The following CLTC variants were observed in gnomAD, a reference collection of about 807,000 sequenced individuals.
CLTC encodes the protein clathrin heavy chain 1.
Under a neutral mutation model 195.8 loss-of-function variants are expected in CLTC, and 16 were observed. That is an observed-to-expected ratio of 0.08 (90% CI 0.06 to 0.12). The LOEUF is 0.12. Among genes scored for constraint, CLTC ranks in the 10% least tolerant of loss-of-function variants. The probability of loss-of-function intolerance (pLI) is 1.00; values close to 1 mark genes in which losing one functional copy is unlikely to be tolerated. For missense variants in CLTC, 796 were observed against 2,027.0 expected (o/e 0.39, Z 11.66); for synonymous variants, 667 against 689.4 (o/e 0.97, Z 0.51).
At chr17:59,625,860 C>G (rs1188921698) in intron 1 of CLTC, among the ~76,000 whole-genome samples, 1 of 152,120 alleles carries the variant, frequency 6.6e-6, no homozygotes, top group African/African-American at 2.4e-5. Flanking sequence ...CAGGTTAAGT[C>G]TAACCTCTTG....
intron 1 of CLTC, among the ~76,000 whole-genome samples, chr17:59,621,033 C>CT (rs2031360143): frequency 6.6e-6 from 1 of 152,180 alleles, no homozygotes; most frequent in Admixed American, 6.5e-5. Flanking sequence ...TGGAATTGAA[C>CT]AGAGCCCTGG....
rs549489223 is a variant in CLTC at position 59,679,360 on chromosome 17, T to C, written c.2797-37T>C. 4 of 1,556,958 alleles carry C rather than the reference T, an allele frequency of 2.6e-6. No homozygotes were observed. In the South Asian group the frequency reaches 4.8e-5, roughly 19 times the overall value. The stretch of plus-strand genomic sequence containing the variant: ...TAAAATGCTATAAAAAGTCCTTTAC[T>C]TTTTACCTTGAAATTAATCTATCAT... On this transcript the variant is annotated intron_variant, in intron 17 of 31. Transcript: ENST00000269122.
intron 1 of CLTC, among the ~76,000 whole-genome samples, chr17:59,632,883 C>G (rs1317922448): frequency 3.9e-5 from 6 of 152,118 alleles, no homozygotes; most frequent in Non-Finnish European, 8.8e-5. Flanking sequence ...TGTTTCCTCA[C>G]TAGTAATGAC....
chr17:59,683,715 C>T lies in CLTC; in HGVS notation c.4282C>T (p.Pro1428Ser). Residue 1428 changes from proline (P) to serine (S), a missense_variant, in exon 27 of 32, where the codon CCA (proline) becomes TCA (serine). Physicochemically the swap from Pro to Ser is moderately conservative, Grantham distance 74 (BLOSUM62 -1). Transcript: ENST00000269122. This position sits in a 1 kb window ranked among gnomAD's most constrained non-coding sequence, Gnocchi z 6.1. ...LLNDLLMVLSPRLDHTRAVNY... is the reference protein window; with the variant it reads ...LLNDLLMVLSSRLDHTRAVNY... ...AAATGATTTGCTGATGGTGCTGTCTCCACGGTTGGATCACACTCGTGCAGT... is the reference window on the plus strand; with the variant it reads ...AAATGATTTGCTGATGGTGCTGTCTTCACGGTTGGATCACACTCGTGCAGT... The T allele has an allele frequency of 6.2e-7, 1 of 1,614,140 alleles. No individual in the cohort carries two copies. Among genetic ancestry groups the T allele is most frequent in the Non-Finnish European group, 8.5e-7 (1 of 1,180,020 alleles).
Position 59,696,399 on chromosome 17 carries a change from G to C in CLTC, c.*2547G>C, listed in dbSNP as rs887939569. 3 of 219,042 alleles carry C rather than the reference G, an allele frequency of 1.4e-5. No individual in the cohort carries two copies. The highest frequency in any genetic ancestry group is 6.7e-5 in the African/African-American group (3 of 44,540). The allele number at this position is 219,042 out of a possible 1,614,324, so 13.6% of individuals were successfully genotyped here. On this transcript the variant is annotated 3_prime_UTR_variant, in exon 32 of 32. Transcript: ENST00000269122. ...GTGCTATAACGCTGCTTATATTGCA[G>C]TTAACCATAGAGAGGTGGAGCCACT... is the stretch of plus-strand genomic sequence containing the variant.
intron 16 of CLTC, among the ~76,000 whole-genome samples, chr17:59,676,201 T>C (rs1431411016): frequency 6.6e-6 from 1 of 151,988 alleles, no homozygotes; most frequent in African/African-American, 2.4e-5. Flanking sequence ...GGCTTTAAAA[T>C]AAAAATAAAA....
chr17:59,680,562 T>G (rs1288871899), intron 18 of CLTC, among the ~76,000 whole-genome samples: 1 of 152,148 alleles, frequency 6.6e-6, no homozygotes, highest in Non-Finnish European at 1.5e-5. Flanking sequence ...TTGCAGCATC[T>G]AGAAAACCAA....
chr17:59,673,179 ATAGAGTAT>A (rs1174470115), intron 14 of CLTC, among the ~76,000 whole-genome samples: 3 of 152,162 alleles, frequency 2.0e-5, no homozygotes, highest in Admixed American at 6.5e-5. Flanking sequence ...CTTTGTTATA[ATAGAGTAT>A]TAGAGGCTGG....
chr17:59,644,563 T>TTTGC (rs2143497934), intron 2 of CLTC, 80 bp downstream of exon 2: 1 of 1,233,896 alleles, frequency 8.1e-7, no homozygotes, highest in East Asian at 2.5e-5. Context: ...TGTTTGTTTG[T>TTTGC]TTTTGAGACG....
intron 7 of CLTC, among the ~76,000 whole-genome samples, chr17:59,660,962 TG>T (rs1344629129): frequency 3.3e-5 from 5 of 152,204 alleles, no homozygotes; most frequent in African/African-American, 1.2e-4. Flanking sequence ...TGGGTAGAGC[TG>T]TCAAAATTAG....
chr17:59,636,776 T>C (rs1050362092), intron 1 of CLTC, among the ~76,000 whole-genome samples: 2 of 152,078 alleles, frequency 1.3e-5, no homozygotes, highest in Non-Finnish European at 2.9e-5. Context: ...TTCTTTTTCT[T>C]TTTGAGATGG....
chr17:59,677,435 T>C (rs1013800662), intron 17 of CLTC, among the ~76,000 whole-genome samples: 34 of 152,354 alleles, frequency 2.2e-4, no homozygotes, highest in African/African-American at 7.7e-4. Flanking sequence ...CTCACACTCT[T>C]ACACTCAGGC....
At chr17:59,684,189 C>G in intron 28 of CLTC, 1 of 492,078 alleles carries the variant, frequency 2.0e-6, no homozygotes, top group Non-Finnish European at 3.6e-6. Flanking sequence ...GTATAAGATA[C>G]TGCTTTTGAA....
intron 1 of CLTC, among the ~76,000 whole-genome samples, chr17:59,621,968 C>T (rs1282418089): frequency 1.3e-5 from 2 of 152,150 alleles, no homozygotes; most frequent in African/African-American, 2.4e-5. Flanking sequence ...TTATTTTCCA[C>T]GGCAGATGTG....
At chr17:59,667,676 G>A (rs887804520) in intron 13 of CLTC, among the ~76,000 whole-genome samples, 4 of 152,192 alleles carry the variant, frequency 2.6e-5, no homozygotes, top group Non-Finnish European at 5.9e-5. Flanking sequence ...AGAATATTCA[G>A]CAGCATTCCT....
rs1381487424 is a variant in CLTC at position 59,668,910 on chromosome 17, C to T, written c.2262C>T (p.Tyr754=). ...GAATCTGTAGAGAAAGCAACTGCTA[C>T]GATCCTGAGCGAGTCAAGAATTTTC... is the stretch of plus-strand genomic sequence containing the variant. The part of the protein sequence containing the change: ...VERICRESNC[Y]DPERVKNFLK... The change falls in exon 14 of 32, where the codon TAC becomes TAT. Residue 754 remains tyrosine (Y), a synonymous_variant. Transcript: ENST00000269122. 11 of 1,609,462 alleles carry T rather than the reference C, an allele frequency of 6.8e-6. No individual in the cohort carries two copies. Among genetic ancestry groups the T allele is most frequent in the East Asian group, 2.2e-5 (1 of 44,802 alleles).
At chr17:59,650,678 A>C (rs912200145) in intron 4 of CLTC, among the ~76,000 whole-genome samples, 3 of 152,232 alleles carry the variant, frequency 2.0e-5, no homozygotes, top group Non-Finnish European at 4.4e-5. Context: ...GAAGCTGTAA[A>C]GACAGTACAG....
intron 1 of CLTC, among the ~76,000 whole-genome samples, chr17:59,637,841 A>G (rs181637569): frequency 1.7e-3 from 258 of 151,966 alleles, no homozygotes; most frequent in Non-Finnish European, 1.6e-3. Context: ...TAAGCAGCCC[A>G]GGAGGTTGAA....
rs904539588 is a variant in CLTC, at chr17:59,648,016, C to T, written c.520-224C>T. On this transcript the variant is annotated intron_variant, in intron 3 of 31. Coordinates refer to ENST00000269122, the MANE Select transcript of CLTC (RefSeq NM_004859.4). This position sits in a 1 kb window ranked among gnomAD's most constrained non-coding sequence, Gnocchi z 4.5. ...TGCTTCTATACCTTTTTGTTTAAGA[C>T]GTATATGAGGCATATTTTAAACATT... Among the ~76,000 whole-genome samples, 3 of 152,006 alleles carry T rather than the reference C, an allele frequency of 2.0e-5. No individual in the cohort carries two copies. Among genetic ancestry groups the T allele is most frequent in the Non-Finnish European group, 2.9e-5 (2 of 68,010 alleles).
Sources: gnomAD v4.1 joint callset for allele counts (sites outside exome capture counted in the v4.1 genomes callset) on GRCh38, gnomAD v4.1.1 for gene constraint, Gnocchi (gnomAD v3.1) non-coding constraint, MANE v1.5 for transcripts, NCBI Gene and HGNC (gene_info 2026-07-23, HGNC 2026-07-21) for gene names.